Variants in FRMD4A observed in about 807,000 individuals in gnomAD.
FRMD4A encodes FERM domain-containing protein 4A.
A neutral mutation model predicts 129.1 loss-of-function variants in FRMD4A; 29 were observed. The ratio of observed to expected loss-of-function variants is 0.22; its 90% CI spans 0.17 to 0.31. The LOEUF (loss-of-function observed/expected upper bound fraction) is 0.31. FRMD4A is among the 10% of genes least tolerant of loss of function. The pLI, the probability that FRMD4A is intolerant of heterozygous loss-of-function variation, is 1.00. For synonymous variants in FRMD4A, 634 were observed against 571.6 expected (o/e 1.11, Z -1.56); for missense variants, 1,272 against 1,375.8 (o/e 0.92, Z 1.19).
At chr10:13,708,172 C>T (rs974191166) in intron 12 of FRMD4A, among the ~76,000 whole-genome samples, 2 of 152,226 alleles carry the variant, frequency 1.3e-5, no homozygotes, top group African/African-American at 2.4e-5. Context: ...GGGCTCCCCC[C>T]TTTCTCTGGC....
chr10:13,726,248 T>G (rs1188527748), intron 12 of FRMD4A, among the ~76,000 whole-genome samples: 5 of 152,186 alleles, frequency 3.3e-5, no homozygotes, highest in Non-Finnish European at 5.9e-5. Context: ...CATTCCAGCC[T>G]GGGAGACAGA....
At chr10:13,886,230 G>GTT (rs5783361) in intron 2 of FRMD4A, among the ~76,000 whole-genome samples, 1,778 of 151,500 alleles carry the variant, frequency 0.012, 30 homozygotes, top group African/African-American at 0.041. Flanking sequence ...TGCCGTTTTT[G>GTT]TTTTTTTTCC....
chr10:14,326,950 T>TC (rs1843302252), intron 2 of FRMD4A: 1 of 398,534 alleles, frequency 2.5e-6, no homozygotes, highest in Non-Finnish European at 4.4e-6. Context: ...TCTCTCCAAG[T>TC]CCCCCCTTCC....
chr10:13,857,716 T>C (rs565643556), intron 3 of FRMD4A, among the ~76,000 whole-genome samples: 95 of 152,292 alleles, frequency 6.2e-4, no homozygotes, highest in Non-Finnish European at 1.1e-3. Context: ...GAACTGCAGC[T>C]TCCTCACAAC....
chr10:13,649,965 C>CTT (rs2081418506), intron 24 of FRMD4A, among the ~76,000 whole-genome samples: 1 of 152,196 alleles, frequency 6.6e-6, no homozygotes, highest in Non-Finnish European at 1.5e-5. Context: ...AGAAGAGCAG[C>CTT]TTAGCCCTGG....
chr10:13,827,961 A>T (rs1306106519), intron 3 of FRMD4A, among the ~76,000 whole-genome samples: 2 of 152,050 alleles, frequency 1.3e-5, no homozygotes, highest in African/African-American at 4.8e-5. Context: ...CCCAAATACC[A>T]TTTATGCAAG....
At chr10:14,090,813 C>T (rs555233716) in intron 2 of FRMD4A, among the ~76,000 whole-genome samples, 1 of 152,250 alleles carries the variant, frequency 6.6e-6, no homozygotes, top group South Asian at 2.1e-4. Flanking sequence ...ATGAAGTACC[C>T]AGACTAACAT....
intron 2 of FRMD4A, among the ~76,000 whole-genome samples, chr10:14,013,516 G>C (rs1312501267): frequency 1.3e-5 from 2 of 152,184 alleles, no homozygotes; most frequent in Non-Finnish European, 2.9e-5. Flanking sequence ...TATTGGAAGA[G>C]AGACATCTCT....
At chr10:14,029,526 A>G (rs1471965009) in intron 2 of FRMD4A, among the ~76,000 whole-genome samples, 1 of 152,228 alleles carries the variant, frequency 6.6e-6, no homozygotes, top group East Asian at 1.9e-4. Context: ...TTGCATATAC[A>G]AAATGTGTTC....
chr10:13,880,746 C>T (rs574714676), intron 2 of FRMD4A, among the ~76,000 whole-genome samples: 11 of 152,244 alleles, frequency 7.2e-5, no homozygotes, highest in African/African-American at 2.4e-4. Flanking sequence ...TACCTCCTCA[C>T]ATCCTTTCAG....
At chr10:14,326,955 C>G (rs1011769894) in intron 2 of FRMD4A, 6 of 398,568 alleles carry the variant, frequency 1.5e-5, no homozygotes, top group African/African-American at 2.1e-5. Flanking sequence ...CCAAGTCCCC[C>G]CTTCCGTGGT....
At chr10:13,832,453 T>C (rs10906506) in intron 3 of FRMD4A, among the ~76,000 whole-genome samples, 30,245 of 152,114 alleles carry the variant, frequency 0.2, 3,172 homozygotes, top group Non-Finnish European at 0.24. Context: ...GCGAGCACAT[T>C]AGAATCAGCG....
At chr10:14,172,391 C>G (rs1217044205) in intron 2 of FRMD4A, among the ~76,000 whole-genome samples, 1 of 152,156 alleles carries the variant, frequency 6.6e-6, no homozygotes, top group Non-Finnish European at 1.5e-5. Context: ...AATATGTGAG[C>G]AGCCTGACTC....
chr10:13,883,266 G>A (rs535284398), intron 2 of FRMD4A, among the ~76,000 whole-genome samples: 16 of 151,624 alleles, frequency 1.1e-4, no homozygotes, highest in East Asian at 2.0e-4. Context: ...GAGGCGGGTG[G>A]ATTACCTGAG....
intron 2 of FRMD4A, among the ~76,000 whole-genome samples, chr10:14,021,784 C>T (rs1045730382): frequency 1.3e-5 from 2 of 151,936 alleles, no homozygotes; most frequent in African/African-American, 4.8e-5. Flanking sequence ...GACTTTTGTG[C>T]ACCTCACCGA....
intron 2 of FRMD4A, among the ~76,000 whole-genome samples, chr10:14,011,420 T>C (rs1020062064): frequency 1.3e-5 from 2 of 152,018 alleles, no homozygotes; most frequent in Non-Finnish European, 2.9e-5. Context: ...GGTCACCTAG[T>C]GGAGTCTAGA....
At chr10:14,287,546 G>T (rs546088487) in intron 2 of FRMD4A, among the ~76,000 whole-genome samples, 1 of 152,152 alleles carries the variant, frequency 6.6e-6, no homozygotes, top group Non-Finnish European at 1.5e-5. Context: ...CAAAGAGTAA[G>T]ATGTCAATCA....
At chr10:13,886,452 G>A (rs1343424936) in intron 2 of FRMD4A, among the ~76,000 whole-genome samples, 2 of 152,200 alleles carry the variant, frequency 1.3e-5, no homozygotes, top group Non-Finnish European at 2.9e-5. Context: ...GGTTGGTAAT[G>A]CATTACTAAC....
chr10:13,662,033 A>C (rs1370487322), intron 19 of FRMD4A, among the ~76,000 whole-genome samples: 1 of 152,186 alleles, frequency 6.6e-6, no homozygotes, highest in Non-Finnish European at 1.5e-5. Context: ...TGCATCTGGA[A>C]CACGGGGAAG....
Sources: allele counts gnomAD v4.1 joint callset (sites outside exome capture counted in the v4.1 genomes callset), GRCh38; gene constraint gnomAD v4.1.1; transcripts MANE v1.5; gene names NCBI Gene and HGNC (gene_info 2026-07-23, HGNC 2026-07-21).